The following LUZP2 variants were observed in gnomAD, a reference collection of about 807,000 sequenced individuals.
LUZP2 encodes leucine zipper protein 2.
LUZP2 carries 52 observed loss-of-function variants against 51.6 expected under a neutral mutation model. That is an observed-to-expected ratio of 1.01 (90% CI 0.81 to 1.27). LUZP2 has a LOEUF of 1.27. Ranked by LOEUF, LUZP2 falls within the 50% of genes most tolerant of loss-of-function variation. The pLI is 0.00. For synonymous variants in LUZP2, 154 were observed against 137.3 expected, an observed-to-expected ratio of 1.12 and a Z score of -0.85; for missense variants, 436 against 395.4, an observed-to-expected ratio of 1.10 and a Z score of -0.87.
intron 5 of LUZP2, among the ~76,000 whole-genome samples, chr11:24,841,704 A>C (rs1851038021): frequency 6.6e-6 from 1 of 152,132 alleles, no homozygotes; most frequent in Non-Finnish European, 1.5e-5. Context: ...TCCTAGGAGC[A>C]AATGTCACAT....
At chr11:24,528,245 G>T (rs1054938631) in intron 1 of LUZP2, among the ~76,000 whole-genome samples, 2 of 150,982 alleles carry the variant, frequency 1.3e-5, no homozygotes, top group Non-Finnish European at 3.0e-5. Flanking sequence ...CAAACAAAAT[G>T]ATCCTCTTGA....
Position 24,713,233 on chromosome 11 carries a change from T to C in LUZP2, c.63-15936T>C, listed in dbSNP as rs111658444. ...AACAAAATTATTTATGGCTTTGTTC[T>C]AAGTCACAGAAATTTTTATAGTTTT... On this transcript the variant is annotated intron_variant, in intron 1 of 11. Coordinates refer to ENST00000336930, the MANE Select transcript of LUZP2 (RefSeq NM_001009909.4). Among the ~76,000 whole-genome samples, 694 of 152,320 alleles carry C rather than the reference T, an allele frequency of 4.6e-3. 5 individuals carry two copies. Among genetic ancestry groups the C allele is most frequent in the African/African-American group, 0.016 (666 of 41,572 alleles).
At chr11:24,764,580 C>A (rs1479584141) in intron 5 of LUZP2, among the ~76,000 whole-genome samples, 1 of 150,934 alleles carries the variant, frequency 6.6e-6, no homozygotes, top group Non-Finnish European at 1.5e-5. Context: ...AGGAGGATTG[C>A]TTGAGCCTGA....
intron 1 of LUZP2, among the ~76,000 whole-genome samples, chr11:24,698,100 C>G (rs1480150680): frequency 6.6e-6 from 1 of 152,178 alleles, no homozygotes; most frequent in Non-Finnish European, 1.5e-5. Context: ...TGAGAAATAT[C>G]TCCTGTCATT....
chr11:24,772,455 A>G (rs1848772211), intron 5 of LUZP2, among the ~76,000 whole-genome samples: 1 of 152,200 alleles, frequency 6.6e-6, no homozygotes, highest in South Asian at 2.1e-4. Context: ...TACTGAGTCC[A>G]GGACACACCC....
intron 7 of LUZP2, among the ~76,000 whole-genome samples, chr11:24,948,877 A>G (rs1854985754): frequency 6.6e-6 from 1 of 150,508 alleles, no homozygotes; most frequent in South Asian, 2.1e-4. Context: ...CTACCTATCC[A>G]TCTATCTAGA....
intron 5 of LUZP2, among the ~76,000 whole-genome samples, chr11:24,904,571 C>T (rs1217279758): frequency 6.6e-6 from 1 of 152,172 alleles, no homozygotes; most frequent in Non-Finnish European, 1.5e-5. Context: ...GCATGAGCCA[C>T]CACGCCCGAC....
intron 4 of LUZP2, among the ~76,000 whole-genome samples, chr11:24,752,399 T>C (rs1365001718): frequency 2.6e-5 from 4 of 152,156 alleles, no homozygotes; most frequent in African/African-American, 4.8e-5. Context: ...ACGTAAAGCA[T>C]GGAAGTGTTG....
At chr11:24,897,915 C>G (rs1219375618) in intron 5 of LUZP2, among the ~76,000 whole-genome samples, 3 of 152,004 alleles carry the variant, frequency 2.0e-5, no homozygotes, top group African/African-American at 7.3e-5. Context: ...GATTCCTACG[C>G]TTTCTGGAAG....
intron 1 of LUZP2, among the ~76,000 whole-genome samples, chr11:24,588,643 C>CTTTAA (rs566265164): frequency 6.6e-6 from 1 of 151,694 alleles, no homozygotes; most frequent in African/African-American, 2.4e-5. Flanking sequence ...AATTTTTTCC[C>CTTTAA]AAAAAGATTA....
chr11:24,958,603 T>G (rs373620422), intron 7 of LUZP2, among the ~76,000 whole-genome samples: 12,548 of 152,014 alleles, frequency 0.083, 1,714 homozygotes, highest in African/African-American at 0.28. Flanking sequence ...TGGGGTTGTT[T>G]GTTTTTTTCT....
intron 8 of LUZP2, among the ~76,000 whole-genome samples, chr11:24,982,693 T>A (rs1565188974): frequency 6.6e-6 from 1 of 151,724 alleles, no homozygotes; most frequent in Non-Finnish European, 1.5e-5. Flanking sequence ...GATGAAATAA[T>A]CTGTACAACA....
intron 3 of LUZP2, among the ~76,000 whole-genome samples, chr11:24,736,497 T>G (rs1858944575): frequency 6.6e-6 from 1 of 151,162 alleles, no homozygotes; most frequent in Admixed American, 6.6e-5. Flanking sequence ...CCTTCCTTCC[T>G]TCCTTCCTTC....
chr11:24,992,939 G>T (rs1053464382), intron 9 of LUZP2, among the ~76,000 whole-genome samples: 1 of 151,960 alleles, frequency 6.6e-6, no homozygotes, highest in African/African-American at 2.4e-5. Context: ...TTCATTATTT[G>T]AATTTGAAAA....
At chr11:25,026,664 TGTA>T (rs1254827511) in intron 9 of LUZP2, among the ~76,000 whole-genome samples, 2 of 152,066 alleles carry the variant, frequency 1.3e-5, no homozygotes, top group Non-Finnish European at 2.9e-5. Context: ...AACTCTGGGT[TGTA>T]GTTCCCTCAT....
chr11:24,768,876 T>C (rs1310801053), intron 5 of LUZP2, among the ~76,000 whole-genome samples: 2 of 152,174 alleles, frequency 1.3e-5, no homozygotes, highest in African/African-American at 2.4e-5. Context: ...TACCATATGA[T>C]CCAATAATAT....
At chr11:25,015,202 A>T (rs935814471) in intron 9 of LUZP2, among the ~76,000 whole-genome samples, 3 of 152,162 alleles carry the variant, frequency 2.0e-5, no homozygotes, top group Admixed American at 1.3e-4. Flanking sequence ...AGAAAGAAAC[A>T]TTATTATCCT....
rs183265811 is a variant in LUZP2 at position 24,853,912 on chromosome 11, G to A, written c.397-52079G>A. Among the ~76,000 whole-genome samples, 63 of 152,204 alleles carry A rather than the reference G, an allele frequency of 4.1e-4. 1 individual carries two copies. Among genetic ancestry groups the A allele is most frequent in the Non-Finnish European group, 7.5e-4 (51 of 67,988 alleles). ...GTCTGTTGGAGTTTGCTGGAGGCAC[G>A]CTCCAGAGCCTTTTTGCCTGGATAT... On this transcript the variant is annotated intron_variant, in intron 5 of 11. Transcript: ENST00000336930.
chr11:25,044,251 GTGTGTGTATATATA>G (rs1282027850), intron 9 of LUZP2, among the ~76,000 whole-genome samples: 23 of 117,644 alleles, frequency 2.0e-4, no homozygotes, highest in South Asian at 2.8e-4. Flanking sequence ...GTGTGTGTGT[GTGTGTGTATATATA>G]TATATATATA....
Sources: gnomAD v4.1 joint callset for allele counts (sites outside exome capture counted in the v4.1 genomes callset) on GRCh38, gnomAD v4.1.1 for gene constraint, MANE v1.5 for transcripts, NCBI Gene and HGNC (gene_info 2026-07-23, HGNC 2026-07-21) for gene names.